Variants in TMC6 observed in about 807,000 individuals in gnomAD.
TMC6 encodes the protein transmembrane channel like 6.
A neutral mutation model predicts 95.4 loss-of-function variants in TMC6; 71 were observed. That is an observed-to-expected ratio of 0.74 (90% CI 0.61 to 0.91). The LOEUF is 0.91. TMC6 is among the 40% of genes least tolerant of loss of function. The pLI, the probability that TMC6 is intolerant of heterozygous loss-of-function variation, is 0.00. For missense variants in TMC6, 1,074 were observed against 1,079.1 expected, an observed-to-expected ratio of 1.00 and a Z score of 0.07; for synonymous variants, 514 against 483.1, an observed-to-expected ratio of 1.06 and a Z score of -0.84.
At chr17:78,123,171 C>G (rs2074499186) in intron 9 of TMC6, 1 of 337,456 alleles carries the variant, frequency 3.0e-6, no homozygotes, top group East Asian at 7.9e-5. Flanking sequence ...AGCCTGACTC[C>G]TTCCCCAGTG....
Position 78,112,834 on chromosome 17 carries a change from C to T in TMC6, c.*314G>A. 1 of 458,578 alleles carries T rather than the reference C, an allele frequency of 2.2e-6. No homozygotes were observed. 28.4% of individuals were successfully genotyped at this position (458,578 alleles called of 1,614,324 possible). A position where few individuals can be genotyped will look rare whatever the true frequency, so the allele number is the denominator to read the frequency against. On this transcript the variant is annotated 3_prime_UTR_variant, in exon 20 of 20. Transcript: ENST00000590602. ...CCACTCCAGCTGAGGTTCCCAGGAC[C>T]CAGACCTGCGCCTGGAGGTGGCCCC... is the stretch of plus-strand genomic sequence containing the variant.
At chr17:78,119,256 C>T (rs771974106) in intron 14 of TMC6, 41 bp downstream of exon 14, 11 of 1,611,382 alleles carry the variant, frequency 6.8e-6, no homozygotes, top group East Asian at 2.2e-5. Flanking sequence ...GGGGCACTGA[C>T]CGAGGGGCCA....
rs1183524708 is a variant in TMC6 at position 78,107,984 on chromosome 17, A to G, written c.*5164T>C. ...GAACTTCAGAAGCACAACCAGCCTAACCCCAGAATCTCAGGTGGCACAGCT... is the reference window on the plus strand; with the variant it reads ...GAACTTCAGAAGCACAACCAGCCTAGCCCCAGAATCTCAGGTGGCACAGCT... On this transcript the variant is annotated 3_prime_UTR_variant, in exon 20 of 20. Coordinates refer to ENST00000590602, the MANE Select transcript of TMC6 (RefSeq NM_001127198.5). 6.6e-6 allele frequency: 1 copy of G among 152,132 alleles called. No homozygotes were observed. The highest frequency in any genetic ancestry group is 1.5e-5 in the Non-Finnish European group (1 of 68,014). The allele number at this position is 152,132 out of a possible 1,614,324, so 9.4% of individuals were successfully genotyped here.
intron 18 of TMC6, among the ~76,000 whole-genome samples, chr17:78,114,489 A>T (rs2144889281): frequency 6.6e-6 from 1 of 152,178 alleles, no homozygotes; most frequent in South Asian, 2.1e-4. Flanking sequence ...TACTGGACTG[A>T]CCCAGGGCTC....
intron 12 of TMC6, 35 bp downstream of exon 12, chr17:78,120,978 A>G: frequency 6.2e-7 from 1 of 1,613,220 alleles, no homozygotes; most frequent in Non-Finnish European, 8.5e-7. Context: ...TATCAGCTCC[A>G]GCACCAAATG....
intron 15 of TMC6, chr17:78,118,184 T>C (rs2074229380): frequency 3.3e-6 from 2 of 599,258 alleles, no homozygotes; most frequent in Non-Finnish European, 2.9e-6. Flanking sequence ...CACACAACAC[T>C]GTACACACCA....
intron 12 of TMC6, 28 bp from the exon 13 acceptor site, chr17:78,120,860 G>A (rs370943130): frequency 6.2e-7 from 1 of 1,610,838 alleles, no homozygotes. Context: ...CAAAGGCTGA[G>A]GGGCGGGTAC....
Position 78,120,909 on chromosome 17 carries a change from C to T in TMC6, c.1536-77G>A, listed in dbSNP as rs2074381813. On this transcript the variant is annotated intron_variant, in intron 12 of 19. Coordinates refer to ENST00000590602, the MANE Select transcript of TMC6 (RefSeq NM_001127198.5). ...TGCACCCCAGGGCCCCCACCAGGGG[C>T]TTGGTCACACCGGCCTCATCCTAAG... 1.4e-5 allele frequency: 22 copies of T among 1,611,714 alleles called. No individual in the cohort carries two copies. In the South Asian group the frequency reaches 2.1e-4, roughly 15 times the overall value.
rs751501085 is a variant in TMC6 at position 78,124,464 on chromosome 17, A to G, written c.891+60T>C. Reference sequence around the variant, plus strand: ...AGGGGAGCTGGGACAAGAAGGGAACACGGTACCAGGGTAGCAGAAGACAGG... The same window carrying G: ...AGGGGAGCTGGGACAAGAAGGGAACGCGGTACCAGGGTAGCAGAAGACAGG... On this transcript the variant is annotated intron_variant, in intron 8 of 19. Coordinates refer to ENST00000590602, the MANE Select transcript of TMC6 (RefSeq NM_001127198.5). The G allele has an allele frequency of 3.8e-6, 6 of 1,596,596 alleles. No homozygotes were observed. In the South Asian group the frequency reaches 5.5e-5, roughly 15 times the overall value.
intron 15 of TMC6, 34 bp from the exon 16 acceptor site, chr17:78,117,969 G>A (rs2074217530): frequency 6.3e-7 from 1 of 1,581,252 alleles, no homozygotes. Context: ...CCACCATCCT[G>A]CTACCCCTCA....
At position 78,111,890 on chromosome 17, in the gene TMC6, C is replaced by A. The variant is rs2144810399; in HGVS notation, c.*1258G>T. The A allele has an allele frequency of 4.3e-6, 1 of 230,244 alleles. No homozygotes were observed. The highest frequency in any genetic ancestry group is 6.0e-5 in the Admixed American group (1 of 16,714). The allele number at this position is 230,244 out of a possible 1,614,324, so 14.3% of individuals were successfully genotyped here. On this transcript the variant is annotated 3_prime_UTR_variant, in exon 20 of 20. Transcript: ENST00000590602. The stretch of plus-strand genomic sequence containing the variant: ...GTCCCCACAAGCCTGGAACCCTGCG[C>A]CGTGACGGGCTGGTCCCCACAGACC...
In TMC6 at chr17:78,126,899, GCCC is replaced by G; in HGVS notation, c.-70_-68del. On this transcript the variant is annotated 5_prime_UTR_variant, in exon 2 of 20. Transcript: ENST00000590602. ...TCAGAGCCTGGGCGCCACCTCCGGA[GCCC>G]CCATCTGATGAGACAGGGGCACAGA... The G allele has an allele frequency of 6.4e-7, 1 of 1,569,822 alleles. No homozygotes were observed. Among genetic ancestry groups the G allele is most frequent in the Non-Finnish European group, 8.7e-7 (1 of 1,153,274 alleles).
intron 4 of TMC6, 134 bp downstream of exon 4, chr17:78,126,143 C>T (rs1185573925): frequency 5.3e-6 from 7 of 1,320,388 alleles, no homozygotes; most frequent in East Asian, 2.5e-5. Flanking sequence ...GCTAGGAGCC[C>T]GCCCTGGGCC....
In TMC6 at chr17:78,109,430, G is replaced by A. The variant is rs1177810184; in HGVS notation, c.*3718C>T. ...ATCAGTGCTTCTCGGCGGAGCTGTG[G>A]CTGATGGGCTCCTGGTGCAGGACTG... On this transcript the variant is annotated 3_prime_UTR_variant, in exon 20 of 20. Coordinates refer to ENST00000590602, the MANE Select transcript of TMC6 (RefSeq NM_001127198.5). 2.6e-5 allele frequency: 12 copies of A among 456,512 alleles called. No individual in the cohort carries two copies. The Admixed American group carries it at 2.8e-4, about 11-fold the overall frequency. The allele number at this position is 456,512 out of a possible 1,614,324, so 28.3% of individuals were successfully genotyped here. A position where few individuals can be genotyped will look rare whatever the true frequency, so the allele number is the denominator to read the frequency against.
intron 19 of TMC6, 29 bp from the exon 20 acceptor site, chr17:78,113,240 C>T (rs754736646): frequency 1.9e-6 from 3 of 1,546,338 alleles, no homozygotes; most frequent in South Asian, 1.2e-5. Context: ...ACTGAGGGGA[C>T]CCCATAAACA....
chr17:78,109,180 G>A lies in TMC6; in HGVS notation c.*3968C>T. ...GAACGGTAAAGGCAGAAAGCACAGT[G>A]CCCAGCAGCTAGCAGTGTGGCGTGC... On this transcript the variant is annotated 3_prime_UTR_variant, in exon 20 of 20. Coordinates refer to ENST00000590602, the MANE Select transcript of TMC6 (RefSeq NM_001127198.5). The A allele has an allele frequency of 3.0e-6, 1 of 333,500 alleles. No individual in the cohort carries two copies. Among genetic ancestry groups the A allele is most frequent in the Non-Finnish European group, 6.0e-6 (1 of 167,944 alleles). 20.7% of individuals were successfully genotyped at this position (333,500 alleles called of 1,614,324 possible).
chr17:78,114,733 A>G (rs951918505), intron 18 of TMC6, among the ~76,000 whole-genome samples: 1 of 152,340 alleles, frequency 6.6e-6, no homozygotes, highest in Non-Finnish European at 1.5e-5. Flanking sequence ...CCCTTAAGCA[A>G]CAACCTAAGT....
chr17:78,132,324 C>T (rs1426582766), upstream of TMC6: 5 of 1,611,064 alleles, frequency 3.1e-6, no homozygotes, highest in Non-Finnish European at 4.2e-6. Flanking sequence ...GCCCCGGCCC[C>T]GGCCTCCCTG....
At position 78,109,116 on chromosome 17, in the gene TMC6, T is replaced by C. The variant is rs1375382098; in HGVS notation, c.*4032A>G. ...CATGAGCCAGGTGCCCAGCCTTTGT[T>C]GTTGTTGTTGTTGCTGCTATTTTGG... On this transcript the variant is annotated 3_prime_UTR_variant, in exon 20 of 20. Transcript: ENST00000590602. The C allele has an allele frequency of 1.1e-5, 3 of 265,362 alleles. No homozygotes were observed. Among genetic ancestry groups the C allele is most frequent in the African/African-American group, 4.5e-5 (2 of 44,890 alleles). The allele number at this position is 265,362 out of a possible 1,614,324, so 16.4% of individuals were successfully genotyped here. A position where few individuals can be genotyped will look rare whatever the true frequency, so the allele number is the denominator to read the frequency against.
Sources: gnomAD v4.1 joint callset for allele counts (sites outside exome capture counted in the v4.1 genomes callset) on GRCh38, gnomAD v4.1.1 for gene constraint, MANE v1.5 for transcripts, NCBI Gene and HGNC (gene_info 2026-07-23, HGNC 2026-07-21) for gene names.